The following AUH variants were observed in gnomAD, a reference collection of about 807,000 sequenced individuals.
AUH encodes AU RNA binding methylglutaconyl-CoA hydratase.
Under a neutral mutation model 42.3 loss-of-function variants are expected in AUH, and 29 were observed. The observed-to-expected ratio is 0.69, with a 90% CI of 0.51 to 0.93. The LOEUF (loss-of-function observed/expected upper bound fraction) is 0.93, where lower values mean the gene tolerates loss of function less well. AUH is among the 40% of genes least tolerant of loss of function. The probability of loss-of-function intolerance (pLI) is 0.00; values close to 1 mark genes in which losing one functional copy is unlikely to be tolerated. For synonymous variants in AUH, 174 were observed against 166.4 expected, an observed-to-expected ratio of 1.05 and a Z score of -0.35; for missense variants, 452 against 438.1, an observed-to-expected ratio of 1.03 and a Z score of -0.28.
intron 3 of AUH, among the ~76,000 whole-genome samples, chr9:91,351,706 T>G (rs892773006): frequency 9.2e-5 from 14 of 152,270 alleles, no homozygotes; most frequent in Non-Finnish European, 2.1e-4. Flanking sequence ...CGCATTAGAT[T>G]CTCATAGGAG....
chr9:91,300,450 C>A (rs769173661), intron 4 of AUH, among the ~76,000 whole-genome samples: 2 of 152,196 alleles, frequency 1.3e-5, no homozygotes, highest in Non-Finnish European at 2.9e-5. Flanking sequence ...CCCAGATGTC[C>A]TCCTTGCCAA....
intron 6 of AUH, among the ~76,000 whole-genome samples, chr9:91,290,895 A>T (rs1241542076): frequency 6.6e-6 from 1 of 152,204 alleles, no homozygotes; most frequent in Non-Finnish European, 1.5e-5. Context: ...TCATGTAAAC[A>T]TCACCAAAAA....
Position 91,226,257 on chromosome 9 carries a change from A to G in AUH, c.656-5265T>C, listed in dbSNP as rs532170565. Among the ~76,000 whole-genome samples the G allele has an allele frequency of 3.3e-3, 493 of 151,118 alleles. 3 individuals carry two copies. Among genetic ancestry groups the G allele is most frequent in the African/African-American group, 0.011 (466 of 41,330 alleles). The stretch of plus-strand genomic sequence containing the variant: ...TGATCGCCATTCTAACTGGTGTAAG[A>G]TGGTATCTCATTGTGGTTCTGATTT... On this transcript the variant is annotated intron_variant, in intron 6 of 9. Coordinates refer to ENST00000375731, the MANE Select transcript of AUH (RefSeq NM_001698.3).
At chr9:91,290,857 C>T (rs1156905565) in intron 6 of AUH, among the ~76,000 whole-genome samples, 1 of 152,196 alleles carries the variant, frequency 6.6e-6, no homozygotes, top group Non-Finnish European at 1.5e-5. Context: ...ATTTCTGCCA[C>T]CTACTAACCC....
intron 7 of AUH, among the ~76,000 whole-genome samples, chr9:91,217,684 T>G (rs1209563976): frequency 2.0e-5 from 3 of 152,012 alleles, no homozygotes; most frequent in African/African-American, 7.3e-5. Flanking sequence ...CCACACCAAT[T>G]AGGGGTTTTG....
chr9:91,291,975 T>A (rs961910085), intron 6 of AUH, among the ~76,000 whole-genome samples: 1 of 146,716 alleles, frequency 6.8e-6, no homozygotes, highest in Admixed American at 6.8e-5. Context: ...ATAACATGCA[T>A]ATCCTTAAAT....
intron 6 of AUH, among the ~76,000 whole-genome samples, chr9:91,263,680 T>C (rs928155479): frequency 6.6e-6 from 1 of 152,226 alleles, no homozygotes; most frequent in South Asian, 2.1e-4. Context: ...CATGACCCAT[T>C]CCTCAGAATA....
At chr9:91,301,846 C>T (rs1011664551) in intron 4 of AUH, among the ~76,000 whole-genome samples, 1 of 152,100 alleles carries the variant, frequency 6.6e-6, no homozygotes, top group African/African-American at 2.4e-5. Context: ...AAATGGGATA[C>T]TAATTCTCAT....
At chr9:91,219,211 C>T (rs565600820) in intron 7 of AUH, among the ~76,000 whole-genome samples, 1 of 152,308 alleles carries the variant, frequency 6.6e-6, no homozygotes, top group Non-Finnish European at 1.5e-5. Context: ...GAGAGCAAGT[C>T]AGGCCCTAAG....
chr9:91,360,937 C>A (rs1587941135), intron 1 of AUH, among the ~76,000 whole-genome samples: 2 of 152,196 alleles, frequency 1.3e-5, no homozygotes, highest in East Asian at 3.8e-4. Flanking sequence ...AGGAACTGAG[C>A]TGTAACAGTA....
At chr9:91,338,928 A>G (rs1169878221) in intron 3 of AUH, among the ~76,000 whole-genome samples, 1 of 152,216 alleles carries the variant, frequency 6.6e-6, no homozygotes, top group East Asian at 1.9e-4. Context: ...CTATGATTAT[A>G]TCTCTTTGAA....
At chr9:91,341,800 G>A (rs939894659) in intron 3 of AUH, among the ~76,000 whole-genome samples, 1 of 152,184 alleles carries the variant, frequency 6.6e-6, no homozygotes, top group African/African-American at 2.4e-5. Context: ...GAACAGAAAC[G>A]TTCAGAGATG....
At chr9:91,263,412 G>A (rs1366223089) in intron 6 of AUH, among the ~76,000 whole-genome samples, 1 of 152,162 alleles carries the variant, frequency 6.6e-6, no homozygotes, top group African/African-American at 2.4e-5. Flanking sequence ...GTGACTTTTT[G>A]TTGTCGTTAT....
At chr9:91,303,567 T>G (rs1279408907) in intron 4 of AUH, among the ~76,000 whole-genome samples, 2 of 152,166 alleles carry the variant, frequency 1.3e-5, no homozygotes, top group African/African-American at 2.4e-5. Flanking sequence ...GACCTCGTGA[T>G]CCACCCGCCT....
At chr9:91,299,103 A>C (rs1321438554) in intron 4 of AUH, among the ~76,000 whole-genome samples, 1 of 152,140 alleles carries the variant, frequency 6.6e-6, no homozygotes, top group African/African-American at 2.4e-5. Context: ...CTGTAATCCA[A>C]GCTACTCAAA....
chr9:91,231,234 C>T (rs983507591), intron 6 of AUH, among the ~76,000 whole-genome samples: 4 of 152,152 alleles, frequency 2.6e-5, no homozygotes, highest in African/African-American at 7.2e-5. Flanking sequence ...GAGCCAGGTG[C>T]GGGATATAAT....
chr9:91,283,500 T>C (rs1453946779), intron 6 of AUH, among the ~76,000 whole-genome samples: 2 of 152,156 alleles, frequency 1.3e-5, no homozygotes, highest in African/African-American at 2.4e-5. Flanking sequence ...GGTATTCAAT[T>C]AGGAAAAGAG....
chr9:91,240,743 T>C (rs1213757669), intron 6 of AUH, among the ~76,000 whole-genome samples: 1 of 151,616 alleles, frequency 6.6e-6, no homozygotes, highest in East Asian at 1.9e-4. Flanking sequence ...GTCTAGAGTC[T>C]CCTGCCACTG....
At chr9:91,297,068 A>C (rs927014184) in intron 5 of AUH, among the ~76,000 whole-genome samples, 5 of 152,226 alleles carry the variant, frequency 3.3e-5, no homozygotes, top group Non-Finnish European at 7.3e-5. Context: ...ACACAGGCAG[A>C]GCTGAGTCTC....
Sources: allele counts gnomAD v4.1 joint callset (sites outside exome capture counted in the v4.1 genomes callset), GRCh38; gene constraint gnomAD v4.1.1; transcripts MANE v1.5; gene names NCBI Gene and HGNC (gene_info 2026-07-23, HGNC 2026-07-21).